AHSG: variants seen among roughly 807,000 people sequenced by gnomAD.
The protein encoded by AHSG is alpha 2-HS glycoprotein, also known as alpha-2-HS-glycoprotein.
In AHSG, 23 loss-of-function variants were observed where a neutral mutation model predicts 30.1. The observed-to-expected ratio is 0.76, with a 90% CI of 0.55 to 1.08. AHSG has a LOEUF of 1.08. Among genes scored for constraint, AHSG ranks in the 50% least tolerant of loss-of-function variants. The pLI is 0.00. For missense variants in AHSG, 469 were observed against 459.5 expected (o/e 1.02, Z -0.19); for synonymous variants, 164 against 186.3 (o/e 0.88, Z 0.98).
chr3:186,618,632 GA>G lies in AHSG; in HGVS notation c.674del (p.Lys225SerfsTer21). On this transcript the variant is annotated frameshift_variant, in exon 5 of 7. Coordinates refer to ENST00000411641, the MANE Select transcript of AHSG (RefSeq NM_001622.4). LOFTEE classifies it high-confidence loss of function. ...TEAAKCNLLA[E>X]KQYGFCKATL... is the part of the protein sequence containing the mutation. ...GGCAGCCAAGTGTAACCTGCTGGCA[GA>G]AAAGGTGAGTGGGCCGGGACCTTGG... is the stretch of plus-strand genomic sequence containing the variant. 6.2e-7 allele frequency: 1 copy of G among 1,614,024 alleles called. No homozygotes were observed. Among genetic ancestry groups the G allele is most frequent in the Non-Finnish European group, 8.5e-7 (1 of 1,179,914 alleles).
intron 1 of AHSG, 62 bp downstream of exon 1, chr3:186,613,416 C>CA: frequency 7.1e-7 from 1 of 1,409,886 alleles, no homozygotes; most frequent in Non-Finnish European, 9.7e-7. Flanking sequence ...TCAGGTGCCT[C>CA]AAAAAATCAC....
chr3:186,621,065 T>C lies in AHSG; in HGVS notation c.*135T>C. The stretch of plus-strand genomic sequence containing the variant: ...TGCGATCTACATTAATATCAAGTCT[T>C]GACTCCCTACTTCCCGTCATTCCTC... On this transcript the variant is annotated 3_prime_UTR_variant, in exon 7 of 7. Transcript: ENST00000411641. 1.2e-6 allele frequency: 1 copy of C among 825,630 alleles called. No individual in the cohort carries two copies. The highest frequency in any genetic ancestry group is 1.8e-5 in the South Asian group (1 of 56,108). 51.1% of individuals were successfully genotyped at this position (825,630 alleles called of 1,614,324 possible). A position where few individuals can be genotyped will look rare whatever the true frequency, so the allele number is the denominator to read the frequency against.
chr3:186,615,648 A>G (rs892480086), intron 1 of AHSG, 37 bp from the exon 2 acceptor site: 1 of 1,556,316 alleles, frequency 6.4e-7, no homozygotes. Context: ...GGATCAGGGG[A>G]ATAGGTTGCT....
chr3:186,620,442 TTGGG>T, intron 6 of AHSG, 140 bp from the exon 7 acceptor site: 5 of 732,384 alleles, frequency 6.8e-6, no homozygotes, highest in Non-Finnish European at 1.1e-5. Flanking sequence ...TCCCTTGTAC[TTGGG>T]TAGGTCCTTT....
chr3:186,614,049 G>A (rs1716224041), intron 1 of AHSG, among the ~76,000 whole-genome samples: 1 of 151,962 alleles, frequency 6.6e-6, no homozygotes, highest in Non-Finnish European at 1.5e-5. Flanking sequence ...CCACATCCCA[G>A]AGAGAAGTCT....
In AHSG at chr3:186,613,231, G is replaced by T. The variant is rs142527838; in HGVS notation, c.90G>T (p.Pro30=). Residue 30 remains proline (P), a synonymous_variant, in exon 1 of 7, where the codon CCG becomes CCT. Coordinates refer to ENST00000411641, the MANE Select transcript of AHSG (RefSeq NM_001622.4). The part of the protein sequence containing the change: ...PHGPGLIYRQ[P]NCDDPETEEA... ...GCCCAGGGCTGATTTATAGACAACC[G>T]AACTGCGATGATCCAGAAACTGAGG... 1 of 1,614,002 alleles carries T rather than the reference G, an allele frequency of 6.2e-7. No homozygotes were observed. Among genetic ancestry groups the T allele is most frequent in the East Asian group, 2.2e-5 (1 of 44,888 alleles).
Position 186,613,194 on chromosome 3 carries a change from C to T in AHSG, c.53C>T (p.Ser18Leu). The T allele has an allele frequency of 6.2e-7, 1 of 1,614,116 alleles. No homozygotes were observed. Among genetic ancestry groups the T allele is most frequent in the Non-Finnish European group, 8.5e-7 (1 of 1,179,996 alleles). The change falls in exon 1 of 7, where the codon TCA (serine) becomes TTA (leucine). Residue 18 changes from serine to leucine, a missense_variant. Ser to Leu is a moderately radical substitution (Grantham distance 145, BLOSUM62 -2). Coordinates refer to ENST00000411641, the MANE Select transcript of AHSG (RefSeq NM_001622.4). ...CTTGCTCAGCTCTGGGGCTGCCACTCAGCCCCACATGGCCCAGGGCTGATT... is the reference window on the plus strand; with the variant it reads ...CTTGCTCAGCTCTGGGGCTGCCACTTAGCCCCACATGGCCCAGGGCTGATT... ...LCLAQLWGCH[S>L]APHGPGLIYR...
In AHSG at chr3:186,613,066, T is replaced by C; in HGVS notation, c.-76T>C. The C allele has an allele frequency of 7.3e-7, 1 of 1,370,562 alleles. No homozygotes were observed. Among genetic ancestry groups the C allele is most frequent in the East Asian group, 2.4e-5 (1 of 42,222 alleles). 84.9% of individuals were successfully genotyped at this position (1,370,562 alleles called of 1,614,324 possible). A position where few individuals can be genotyped will look rare whatever the true frequency, so the allele number is the denominator to read the frequency against. ...CCCACCACCCTCCATGGGTCTACCTTTCCCAGCAGAGCACCTGGGTTGGTC... is the reference window on the plus strand; with the variant it reads ...CCCACCACCCTCCATGGGTCTACCTCTCCCAGCAGAGCACCTGGGTTGGTC... On this transcript the variant is annotated 5_prime_UTR_variant, in exon 1 of 7. Coordinates refer to ENST00000411641, the MANE Select transcript of AHSG (RefSeq NM_001622.4).
In AHSG at chr3:186,616,369, G is replaced by T. The variant is rs149190153; in HGVS notation, c.325-74G>T. 48 of 1,195,364 alleles carry T rather than the reference G, an allele frequency of 4.0e-5. No homozygotes were observed. In the East Asian group the frequency reaches 1.1e-3, roughly 27 times the overall value. The allele number at this position is 1,195,364 out of a possible 1,614,324, so 74.0% of individuals were successfully genotyped here. On this transcript the variant is annotated intron_variant, in intron 2 of 6. Coordinates refer to ENST00000411641, the MANE Select transcript of AHSG (RefSeq NM_001622.4). ...GATTTTGCAAGGGTCACCTTTGACAGCCGTGCCTGGAGGGAGCCTGCCCGG... is the reference window on the plus strand; with the variant it reads ...GATTTTGCAAGGGTCACCTTTGACATCCGTGCCTGGAGGGAGCCTGCCCGG...
intron 2 of AHSG, 124 bp from the exon 3 acceptor site, chr3:186,616,319 T>C (rs371221240): frequency 3.3e-5 from 21 of 637,074 alleles, no homozygotes; most frequent in East Asian, 1.4e-4. Flanking sequence ...GAGAGTGCCA[T>C]GTTTCAGTAT....
chr3:186,618,436 G>A, intron 4 of AHSG, 100 bp from the exon 5 acceptor site: 1 of 1,547,316 alleles, frequency 6.5e-7, no homozygotes, highest in Non-Finnish European at 8.8e-7. Flanking sequence ...TGGTCTGCAT[G>A]AATGGTGCTC....
intron 2 of AHSG, 64 bp from the exon 3 acceptor site, chr3:186,616,379 G>C: frequency 7.3e-7 from 1 of 1,370,582 alleles, no homozygotes; most frequent in Non-Finnish European, 1.0e-6. Context: ...GCCGTGCCTG[G>C]AGGGAGCCTG....
chr3:186,617,277 CCCTGGCCGCCTTCAACGCT>C lies in AHSG; in HGVS notation c.502_520del (p.Leu168ArgfsTer72). ...AGGGTGGTGCACGCCGCGAAAGCTG[CCCTGGCCGCCTTCAACGCT>C]CAGAACAACGGCTCCAATTTTCAGC... On this transcript the variant is annotated frameshift_variant, in exon 4 of 7. Coordinates refer to ENST00000411641, the MANE Select transcript of AHSG (RefSeq NM_001622.4). LOFTEE classifies it high-confidence loss of function. 6.2e-7 allele frequency: 1 copy of C among 1,614,202 alleles called. No individual in the cohort carries two copies.
chr3:186,620,432 T>G (rs890670142), intron 6 of AHSG, among the ~76,000 whole-genome samples, 154 bp from the exon 7 acceptor site: 3 of 152,156 alleles, frequency 2.0e-5, no homozygotes, highest in Admixed American at 6.5e-5. Flanking sequence ...TTGATGACAA[T>G]CCCTTGTACT....
intron 6 of AHSG, 84 bp from the exon 7 acceptor site, chr3:186,620,502 G>T (rs1418027633): frequency 2.4e-5 from 27 of 1,135,050 alleles, no homozygotes; most frequent in African/African-American, 4.7e-5. Flanking sequence ...TGAGGAAATT[G>T]GGTGCCAGTG....
At chr3:186,617,988 A>AAAT in intron 4 of AHSG, 2 of 157,870 alleles carry the variant, frequency 1.3e-5, no homozygotes, top group South Asian at 1.9e-4. Context: ...CCCACCCCAG[A>AAAT]CTACACCAAA....
Position 186,618,577 on chromosome 3 carries a change from C to T in AHSG, c.615C>T (p.Gly205=). The T allele has an allele frequency of 1.2e-6, 2 of 1,614,124 alleles. No individual in the cohort carries two copies. Among genetic ancestry groups the T allele is most frequent in the Non-Finnish European group, 1.7e-6 (2 of 1,179,968 alleles). ...PSTYVEFTVS[G]TDCVAKEATE... ...CCTATGTGGAGTTTACAGTGTCTGGCACTGACTGTGTTGCTAAAGAGGCCA... is the reference window on the plus strand; with the variant it reads ...CCTATGTGGAGTTTACAGTGTCTGGTACTGACTGTGTTGCTAAAGAGGCCA... Residue 205 remains glycine, a synonymous_variant, in exon 5 of 7, where the codon GGC becomes GGT. Transcript: ENST00000411641.
chr3:186,620,608 C>G lies in AHSG; in HGVS notation c.782C>G (p.Pro261Arg), dbSNP rs35890379. The G allele has an allele frequency of 3.6e-4, 573 of 1,604,656 alleles. 2 individuals carry two copies. The African/African-American group carries it at 6.7e-3, about 19-fold the overall frequency. ...QTQPVSSQPQ[P>R]EGANEAVPTP... is the part of the protein sequence containing the mutation. ...CAGCCCGTGAGCTCACAGCCCCAAC[C>G]AGAAGGTGCCAATGAAGCAGTCCCC... is the stretch of plus-strand genomic sequence containing the variant. Residue 261 changes from proline (P) to arginine (R), a missense_variant, in exon 7 of 7, where the codon CCA (proline) becomes CGA (arginine). Transcript: ENST00000411641.
chr3:186,621,181 T>C lies in AHSG; in HGVS notation c.*251T>C, dbSNP rs1716484666. 4.1e-6 allele frequency: 2 copies of C among 493,248 alleles called. No individual in the cohort carries two copies. The highest frequency in any genetic ancestry group is 2.8e-5 in the South Asian group (1 of 36,088). 30.6% of individuals were successfully genotyped at this position (493,248 alleles called of 1,614,324 possible). On this transcript the variant is annotated 3_prime_UTR_variant, in exon 7 of 7. Transcript: ENST00000411641. ...TGATTTTGACGGTAAGCCACCATGATTGTGTTCTCTGCCTCTGGTTGACCT... is the reference window on the plus strand; with the variant it reads ...TGATTTTGACGGTAAGCCACCATGACTGTGTTCTCTGCCTCTGGTTGACCT...
Sources: allele counts gnomAD v4.1 joint callset (sites outside exome capture counted in the v4.1 genomes callset), GRCh38; gene constraint gnomAD v4.1.1; transcripts MANE v1.5; gene names NCBI Gene and HGNC (gene_info 2026-07-23, HGNC 2026-07-21).